Variants in SEPTIN9 observed in about 807,000 individuals in gnomAD.
The protein encoded by SEPTIN9 is septin 9, also known as septin-9.
SEPTIN9 carries 13 observed loss-of-function variants against 56.6 expected under a neutral mutation model. The observed-to-expected ratio is 0.23, with a 90% CI of 0.15 to 0.37. The LOEUF is 0.37. SEPTIN9 is among the 10% of genes least tolerant of loss of function. SEPTIN9 has a pLI of 1.00. For missense variants in SEPTIN9, 650 were observed against 823.1 expected, an observed-to-expected ratio of 0.79 and a Z score of 2.57; for synonymous variants, 332 against 334.1, an observed-to-expected ratio of 0.99 and a Z score of 0.07.
chr17:77,394,020 C>T (rs1039611750), intron 2 of SEPTIN9, among the ~76,000 whole-genome samples: 3 of 152,172 alleles, frequency 2.0e-5, no homozygotes, highest in Admixed American at 6.5e-5. Flanking sequence ...GAGCACGGTC[C>T]CTGTGCAGGC....
intron 3 of SEPTIN9, among the ~76,000 whole-genome samples, chr17:77,423,752 A>G (rs1425441866): frequency 1.3e-5 from 2 of 152,246 alleles, no homozygotes; most frequent in Non-Finnish European, 2.9e-5. Flanking sequence ...TTTGGCCTCC[A>G]TTATTTGTTT....
chr17:77,423,956 C>T (rs2036801714), intron 3 of SEPTIN9, among the ~76,000 whole-genome samples: 1 of 48,414 alleles, frequency 2.1e-5, no homozygotes, highest in Non-Finnish European at 3.4e-5. Context: ...GCAGGGAACA[C>T]TCTGCCAGGG....
At chr17:77,466,754 C>T (rs1015836685) in intron 3 of SEPTIN9, among the ~76,000 whole-genome samples, 1 of 152,212 alleles carries the variant, frequency 6.6e-6, no homozygotes, top group Non-Finnish European at 1.5e-5. Flanking sequence ...TTACTTTGCT[C>T]TGATTTCAGA....
chr17:77,302,955 C>G (rs1215245775), intron 1 of SEPTIN9, among the ~76,000 whole-genome samples: 2 of 152,068 alleles, frequency 1.3e-5, no homozygotes, highest in Non-Finnish European at 2.9e-5. Context: ...ACCAGGGAGC[C>G]CCGCTCGTCT....
chr17:77,292,161 C>A (rs1234640623), intron 1 of SEPTIN9, among the ~76,000 whole-genome samples: 1 of 152,202 alleles, frequency 6.6e-6, no homozygotes, highest in African/African-American at 2.4e-5. Flanking sequence ...CCTCTCCTGG[C>A]CGTCACTCAC....
intron 4 of SEPTIN9, chr17:77,484,096 AG>A (rs1402031925): frequency 2.6e-5 from 4 of 152,326 alleles, no homozygotes; most frequent in African/African-American, 9.6e-5. Flanking sequence ...CATCCCATAA[AG>A]TGAGATCAAG....
chr17:77,292,045 C>T (rs546431612), intron 1 of SEPTIN9, among the ~76,000 whole-genome samples: 25 of 152,316 alleles, frequency 1.6e-4, no homozygotes, highest in Non-Finnish European at 1.9e-4. Context: ...CTTTTCACCA[C>T]GGCAGTCATG....
At chr17:77,306,255 A>C (rs940863109) in intron 1 of SEPTIN9, among the ~76,000 whole-genome samples, 2 of 152,136 alleles carry the variant, frequency 1.3e-5, no homozygotes, top group African/African-American at 4.8e-5. Context: ...CTGATCCCTT[A>C]TCTCACTGTT....
chr17:77,448,644 GA>G lies in SEPTIN9; in HGVS notation c.722-33497del, dbSNP rs1168354022. Among the ~76,000 whole-genome samples, 5 of 152,220 alleles carry G rather than the reference GA, an allele frequency of 3.3e-5. No individual in the cohort carries two copies. The East Asian group carries it at 9.6e-4, about 29-fold the overall frequency. On this transcript the variant is annotated intron_variant, in intron 3 of 11. Coordinates refer to ENST00000427177, the MANE Select transcript of SEPTIN9 (RefSeq NM_001113491.2). ...TGGGTTTCAGAGTCCTAGCAAGGGG[GA>G]AAGAAAAGAATATCAAATATCTGTC...
chr17:77,287,013 C>G (rs995500594), intron 1 of SEPTIN9, among the ~76,000 whole-genome samples: 3 of 152,194 alleles, frequency 2.0e-5, no homozygotes, highest in Admixed American at 1.3e-4. Context: ...GGTGCCAATC[C>G]CTGGGTGAAG....
At chr17:77,311,547 A>G (rs992354748) in intron 2 of SEPTIN9, among the ~76,000 whole-genome samples, 3 of 152,116 alleles carry the variant, frequency 2.0e-5, no homozygotes, top group Non-Finnish European at 4.4e-5. Context: ...ATCCTATGCT[A>G]GTTCCCATGC....
rs543094844 is a variant in SEPTIN9 at position 77,475,358 on chromosome 17, G to A, written c.722-6786G>A. ...CCCAGGATTCAGCAGGGATCTGAAG[G>A]ACTTTGCAGGCACCCAGGGAGATAG... is the stretch of plus-strand genomic sequence containing the variant. On this transcript the variant is annotated intron_variant, in intron 3 of 11. Coordinates refer to ENST00000427177, the MANE Select transcript of SEPTIN9 (RefSeq NM_001113491.2). This position sits in a 1 kb window ranked among gnomAD's most constrained non-coding sequence, Gnocchi z 4.6. 1.3e-4 allele frequency: 191 copies of A among 1,435,736 alleles called. No individual in the cohort carries two copies. The highest frequency in any genetic ancestry group is 6.5e-4 in the South Asian group (43 of 66,074). The allele number at this position is 1,435,736 out of a possible 1,614,324, so 88.9% of individuals were successfully genotyped here.
intron 3 of SEPTIN9, chr17:77,419,975 G>C (rs940966349): frequency 1.3e-5 from 2 of 152,316 alleles, no homozygotes; most frequent in African/African-American, 4.8e-5. Flanking sequence ...CGGTGGAGGA[G>C]AAGCCAGCTC....
chr17:77,316,163 C>T (rs375454201), intron 2 of SEPTIN9, among the ~76,000 whole-genome samples: 6 of 152,268 alleles, frequency 3.9e-5, no homozygotes, highest in African/African-American at 9.6e-5. Flanking sequence ...GGAGGGACCG[C>T]GGGGGATCCA....
chr17:77,417,767 G>A (rs183083815), intron 3 of SEPTIN9, among the ~76,000 whole-genome samples: 52 of 152,290 alleles, frequency 3.4e-4, no homozygotes, highest in Non-Finnish European at 6.8e-4. Context: ...TAGGTCCACC[G>A]TCCAGCCCCA....
At position 77,498,700 on chromosome 17, in the gene SEPTIN9, T is replaced by G; in HGVS notation, c.*42T>G. 3 of 1,178,442 alleles carry G rather than the reference T, an allele frequency of 2.5e-6. No homozygotes were observed. The highest frequency in any genetic ancestry group is 2.3e-6 in the Non-Finnish European group (2 of 875,746). The allele number at this position is 1,178,442 out of a possible 1,614,324, so 73.0% of individuals were successfully genotyped here. On this transcript the variant is annotated 3_prime_UTR_variant, in exon 12 of 12. Transcript: ENST00000427177. Reference sequence around the variant, plus strand: ...CCCCGGGATCCTGCCCCCAAGTCATTTCCGTCCCCCCCCAGGCCCTCCCAC... The same window carrying G: ...CCCCGGGATCCTGCCCCCAAGTCATGTCCGTCCCCCCCCAGGCCCTCCCAC...
intron 2 of SEPTIN9, chr17:77,373,458 C>G: frequency 3.3e-6 from 5 of 1,496,472 alleles, no homozygotes; most frequent in Non-Finnish European, 4.5e-6. Context: ...GGCGCTTCCT[C>G]GCCGCTGCCC....
chr17:77,401,747 C>T (rs754393311), intron 2 of SEPTIN9, among the ~76,000 whole-genome samples: 8 of 151,958 alleles, frequency 5.3e-5, no homozygotes, highest in Admixed American at 2.0e-4. Context: ...AAATAAAAGT[C>T]TTCTCTGGAA....
chr17:77,473,973 C>T (rs1171387252), intron 3 of SEPTIN9, among the ~76,000 whole-genome samples: 6 of 152,218 alleles, frequency 3.9e-5, no homozygotes, highest in East Asian at 1.9e-4. Flanking sequence ...CACCTCTGCA[C>T]GTGTGTCTAG....
Sources: gnomAD v4.1 joint callset for allele counts (sites outside exome capture counted in the v4.1 genomes callset) on GRCh38, gnomAD v4.1.1 for gene constraint, Gnocchi (gnomAD v3.1) non-coding constraint, MANE v1.5 for transcripts, NCBI Gene and HGNC (gene_info 2026-07-23, HGNC 2026-07-21) for gene names.